The following DOP1A variants were observed in gnomAD, a reference collection of about 807,000 sequenced individuals.
The protein encoded by DOP1A is protein DOP1A.
Under a neutral mutation model 267.6 loss-of-function variants are expected in DOP1A, and 90 were observed. The ratio of observed to expected loss-of-function variants is 0.34; its 90% confidence interval spans 0.28 to 0.40. DOP1A has a LOEUF of 0.40. Ranked by LOEUF, DOP1A falls within the 10% of genes least tolerant of loss-of-function variation. DOP1A has a pLI of 1.00. For missense variants in DOP1A, 2,437 were observed against 2,900.4 expected, an observed-to-expected ratio of 0.84 and a Z score of 3.67; for synonymous variants, 932 against 999.1, an observed-to-expected ratio of 0.93 and a Z score of 1.27.
chr6:83,169,915 A>G (rs1211233566), downstream of DOP1A: 6 of 405,454 alleles, frequency 1.5e-5, no homozygotes, highest in Admixed American at 1.9e-4. Context: ...AAGAGTCCAG[A>G]ATGCTATCAG....
chr6:83,091,129 A>T (rs1213817357), intron 1 of DOP1A, among the ~76,000 whole-genome samples: 3 of 151,610 alleles, frequency 2.0e-5, no homozygotes, highest in African/African-American at 7.3e-5. Flanking sequence ...AAAAGCTTGT[A>T]CAGGAAAACT....
intron 15 of DOP1A, among the ~76,000 whole-genome samples, chr6:83,126,405 C>T (rs907661932): frequency 8.5e-5 from 13 of 152,110 alleles, no homozygotes; most frequent in East Asian, 7.7e-4. Flanking sequence ...ACCGGGGACC[C>T]GTCCCTGGCT....
At chr6:83,082,810 C>CTT (rs1191012120) in intron 1 of DOP1A, among the ~76,000 whole-genome samples, 214 of 142,026 alleles carry the variant, frequency 1.5e-3, no homozygotes, top group African/African-American at 5.1e-3. Flanking sequence ...TTTAAACCCA[C>CTT]TTTTTTTTTT....
chr6:83,090,884 A>G (rs1770232782), intron 1 of DOP1A, among the ~76,000 whole-genome samples: 1 of 152,160 alleles, frequency 6.6e-6, no homozygotes, highest in Non-Finnish European at 1.5e-5. Flanking sequence ...TATTTGCATT[A>G]AAGTCATTGT....
chr6:83,131,889 G>A (rs1778102734), intron 17 of DOP1A, among the ~76,000 whole-genome samples: 2 of 151,938 alleles, frequency 1.3e-5, no homozygotes, highest in South Asian at 4.2e-4. Flanking sequence ...TGCCTGCCTC[G>A]GCCTCCCAAG....
Position 83,164,793 on chromosome 6 carries a change from A to G in DOP1A, c.7092+1874A>G, listed in dbSNP as rs144429027. ...ATATTGAGACACAAACCCAGGTCTG[A>G]ATGTCAACAAGTACAAGGGAGGTAA... On this transcript the variant is annotated intron_variant, in intron 38 of 38. Coordinates refer to ENST00000349129, the MANE Select transcript of DOP1A (RefSeq NM_015018.4). 581 of 1,256,892 alleles carry G rather than the reference A, an allele frequency of 4.6e-4. 2 individuals carry two copies. In the African/African-American group the frequency reaches 7.7e-3, roughly 17 times the overall value. The allele number at this position is 1,256,892 out of a possible 1,614,324, so 77.9% of individuals were successfully genotyped here. A position where few individuals can be genotyped will look rare whatever the true frequency, so the allele number is the denominator to read the frequency against.
chr6:83,078,701 TGAG>T (rs1293486366), intron 1 of DOP1A, among the ~76,000 whole-genome samples: 25 of 152,066 alleles, frequency 1.6e-4, no homozygotes, highest in Non-Finnish European at 5.9e-5. Flanking sequence ...AAATGGAAAG[TGAG>T]GAGAGGTGTA....
At position 83,130,284 on chromosome 6, in the gene DOP1A, GT is replaced by G; in HGVS notation, c.2504del (p.Val835GlufsTer7). The G allele has an allele frequency of 6.2e-7, 1 of 1,614,040 alleles. No individual in the cohort carries two copies. The highest frequency in any genetic ancestry group is 1.1e-5 in the South Asian group (1 of 91,078). On this transcript the variant is annotated frameshift_variant, in exon 17 of 39. Transcript: ENST00000349129. LOFTEE classifies it high-confidence loss of function. ...AMVTGENINS[V>X]EPAQPLSPNQ... ...GGTCACTGGGGAAAACATCAACAGT[GT>G]AGAGCCTGCACAACCCTTAAGTCCA...
At chr6:83,097,234 C>T (rs751346499) in intron 3 of DOP1A, 119 bp downstream of exon 3, 11 of 1,129,154 alleles carry the variant, frequency 9.7e-6, no homozygotes, top group Non-Finnish European at 1.4e-5. Context: ...CCTTAGATTA[C>T]TCTTGGTAGT....
intron 16 of DOP1A, 61 bp downstream of exon 16, chr6:83,129,569 A>G: frequency 7.3e-7 from 1 of 1,370,138 alleles, no homozygotes; most frequent in Non-Finnish European, 9.4e-7. Context: ...TTTTCTTTTT[A>G]AAAGAGGCAC....
intron 1 of DOP1A, among the ~76,000 whole-genome samples, chr6:83,094,667 C>T (rs1264303460): frequency 6.6e-6 from 1 of 152,170 alleles, no homozygotes; most frequent in African/African-American, 2.4e-5. Flanking sequence ...TACTTATTGA[C>T]CATTTGTACA....
chr6:83,087,851 GTTTT>G (rs1213121613), intron 1 of DOP1A, among the ~76,000 whole-genome samples: 4 of 151,962 alleles, frequency 2.6e-5, no homozygotes, highest in Non-Finnish European at 5.9e-5. Context: ...ATTGATGTTT[GTTTT>G]TTTGTTTGTT....
At chr6:83,084,961 A>G (rs1768817979) in intron 1 of DOP1A, among the ~76,000 whole-genome samples, 1 of 152,180 alleles carries the variant, frequency 6.6e-6, no homozygotes, top group African/African-American at 2.4e-5. Flanking sequence ...AGTTATGTTT[A>G]ATACAGATTA....
intron 7 of DOP1A, among the ~76,000 whole-genome samples, chr6:83,114,001 A>G (rs573779136): frequency 2.0e-5 from 3 of 152,206 alleles, no homozygotes; most frequent in Non-Finnish European, 2.9e-5. Flanking sequence ...CAGCACCAGT[A>G]TATAGGCATT....
In DOP1A at chr6:83,129,507, T is replaced by G; in HGVS notation, c.2340T>G (p.Thr780=). Residue 780 remains threonine (T), a splice_region_variant and synonymous_variant, in exon 16 of 39, where the codon ACT becomes ACG. Coordinates refer to ENST00000349129, the MANE Select transcript of DOP1A (RefSeq NM_015018.4). ...AGTTACGTTCTGAAAAATTGGAGAC[T>G]GGTAAGGTCATCTCAGTTTTGCTTA... ...TSELRSEKLE[T]DCEHVQPPQW... The G allele has an allele frequency of 1.3e-6, 2 of 1,513,982 alleles. No homozygotes were observed. Among genetic ancestry groups the G allele is most frequent in the Non-Finnish European group, 1.8e-6 (2 of 1,138,740 alleles). 93.8% of individuals were successfully genotyped at this position (1,513,982 alleles called of 1,614,324 possible). A position where few individuals can be genotyped will look rare whatever the true frequency, so the allele number is the denominator to read the frequency against.
In DOP1A at chr6:83,158,569, A is replaced by G. The variant is rs897520006; in HGVS notation, c.6744A>G (p.Val2248=). 6.3e-7 allele frequency: 1 copy of G among 1,599,730 alleles called. No individual in the cohort carries two copies. Among genetic ancestry groups the G allele is most frequent in the Non-Finnish European group, 8.6e-7 (1 of 1,169,106 alleles). Reference sequence around the variant, plus strand: ...ATTTAACATTTCACCATTTTCAGGTACAAGTATTTTTACTGATGGAGCAGG... The same window carrying G: ...ATTTAACATTTCACCATTTTCAGGTGCAAGTATTTTTACTGATGGAGCAGG... The part of the protein sequence containing the change: ...SLWPTMITEL[V]QVFLLMEQEL... The change falls in exon 36 of 39, where the codon GTA becomes GTG. Residue 2248 remains valine (V), a splice_region_variant and synonymous_variant. Transcript: ENST00000349129.
Position 83,154,044 on chromosome 6 carries a change from G to GT in DOP1A, c.6389+2dup. The GT allele has an allele frequency of 1.9e-6, 3 of 1,613,824 alleles. No homozygotes were observed. The highest frequency in any genetic ancestry group is 2.5e-6 in the Non-Finnish European group (3 of 1,179,940). On this transcript the variant is annotated splice_donor_variant, in intron 32 of 38. Coordinates refer to ENST00000349129, the MANE Select transcript of DOP1A (RefSeq NM_015018.4). LOFTEE classifies it high-confidence loss of function. ...AGATGGATGCCTCTTGTGTTAATCA[G>GT]TAAGTTGCCCTCTTATTTGTATTCA...
intron 1 of DOP1A, among the ~76,000 whole-genome samples, chr6:83,077,384 A>G (rs915472953): frequency 3.2e-4 from 48 of 152,024 alleles, no homozygotes; most frequent in African/African-American, 1.1e-3. Context: ...AAAAAGGACT[A>G]TAGGCTGGGC....
In DOP1A at chr6:83,148,857, T is replaced by C. The variant is rs958968467; in HGVS notation, c.5831T>C (p.Ile1944Thr). The C allele has an allele frequency of 5.3e-6, 8 of 1,522,858 alleles. No individual in the cohort carries two copies. The highest frequency in any genetic ancestry group is 7.0e-6 in the Non-Finnish European group (8 of 1,142,592). 94.3% of individuals were successfully genotyped at this position (1,522,858 alleles called of 1,614,324 possible). ...CTTCCAGCTCCAGGGCAGTTTCTTA[T>C]ACTTGGGTAAGCAATTTCACTTAAT... ...LSLPAPGQFL[I>T]LGVLNEFIMK... Residue 1944 changes from isoleucine to threonine, a missense_variant, in exon 27 of 39, where the codon ATA becomes ACA. Physicochemically the swap from Ile to Thr is moderately conservative, Grantham distance 89. This residue lies in a region of DOP1A where 216 missense variants were observed against 283.3 expected (regional missense o/e 0.76). Transcript: ENST00000349129.
Sources: allele counts gnomAD v4.1 joint callset (sites outside exome capture counted in the v4.1 genomes callset), GRCh38; gene constraint gnomAD v4.1.1; regional missense constraint gnomAD v4.1.1; transcripts MANE v1.5; gene names NCBI Gene and HGNC (gene_info 2026-07-23, HGNC 2026-07-21).